The following CDK14 variants were observed in gnomAD, a reference collection of about 807,000 sequenced individuals.
The protein encoded by CDK14 is cyclin dependent kinase 14, also known as cyclin-dependent kinase 14.
Under a neutral mutation model 60.7 loss-of-function variants are expected in CDK14, and 34 were observed. The observed-to-expected ratio is 0.56, with a 90% CI of 0.43 to 0.75. The LOEUF (loss-of-function observed/expected upper bound fraction) is 0.75. Ranked by LOEUF, CDK14 falls within the 30% of genes least tolerant of loss-of-function variation. The pLI is 0.00. For missense variants in CDK14, 482 were observed against 564.1 expected, an observed-to-expected ratio of 0.85 and a Z score of 1.47; for synonymous variants, 197 against 203.7, an observed-to-expected ratio of 0.97 and a Z score of 0.28.
chr7:90,866,320 A>T (rs1175801696), intron 6 of CDK14, among the ~76,000 whole-genome samples: 1 of 151,894 alleles, frequency 6.6e-6, no homozygotes, highest in African/African-American at 2.4e-5. Flanking sequence ...TTAATTTAAA[A>T]TTTCTAAAAC....
At chr7:90,893,932 G>A (rs1344382119) in intron 6 of CDK14, among the ~76,000 whole-genome samples, 1 of 152,156 alleles carries the variant, frequency 6.6e-6, no homozygotes, top group African/African-American at 2.4e-5. Flanking sequence ...GGTGGCATGG[G>A]AATGGGAATG....
Position 90,758,111 on chromosome 7 carries a change from C to A in CDK14, c.464+10336C>A, listed in dbSNP as rs191575369. Among the ~76,000 whole-genome samples, 425 of 152,242 alleles carry A rather than the reference C, an allele frequency of 2.8e-3. 6 individuals carry two copies. The highest frequency in any genetic ancestry group is 2.3e-3 in the Non-Finnish European group (159 of 68,018). ...GGCTTCTAACAAATGGCTGGTTAAC[C>A]CTGTTCACATCAACATACAAAACTC... On this transcript the variant is annotated intron_variant, in intron 4 of 14. Coordinates refer to ENST00000380050, the MANE Select transcript of CDK14 (RefSeq NM_001287135.2).
intron 13 of CDK14, among the ~76,000 whole-genome samples, chr7:91,115,484 T>G (rs903670764): frequency 6.6e-6 from 1 of 152,070 alleles, no homozygotes; most frequent in Non-Finnish European, 1.5e-5. Flanking sequence ...CCAAATGCCA[T>G]CACATTAGGG....
At chr7:91,075,035 G>A (rs1334526944) in intron 11 of CDK14, among the ~76,000 whole-genome samples, 2 of 152,174 alleles carry the variant, frequency 1.3e-5, no homozygotes, top group Non-Finnish European at 2.9e-5. Flanking sequence ...GGACCAGATG[G>A]ATTCACAGCC....
At chr7:91,032,235 T>C (rs1191654975) in intron 10 of CDK14, among the ~76,000 whole-genome samples, 1 of 152,236 alleles carries the variant, frequency 6.6e-6, no homozygotes, top group Non-Finnish European at 1.5e-5. Context: ...GAGAAGTTGT[T>C]ATTCCTGTAA....
At chr7:90,958,550 T>A (rs113772348) in intron 9 of CDK14, among the ~76,000 whole-genome samples, 1 of 152,136 alleles carries the variant, frequency 6.6e-6, no homozygotes, top group Non-Finnish European at 1.5e-5. Context: ...CACAGTTAGA[T>A]CTTTTTTTCC....
At chr7:91,116,077 A>C (rs1373454814) in intron 13 of CDK14, among the ~76,000 whole-genome samples, 2 of 152,178 alleles carry the variant, frequency 1.3e-5, no homozygotes, top group Non-Finnish European at 2.9e-5. Flanking sequence ...TCAAAGATTT[A>C]ATTGCAGGGA....
At position 91,208,893 on chromosome 7, in the gene CDK14, C is replaced by G. The variant is rs1802981155; in HGVS notation, c.*1757C>G. On this transcript the variant is annotated 3_prime_UTR_variant, in exon 15 of 15. Transcript: ENST00000380050. ...TTGGTTTTAAAGAGAGCAGAAAACA[C>G]CCAAGTGTAGAATGTCTACTGTTTG... The G allele has an allele frequency of 6.6e-6, 1 of 152,620 alleles. No homozygotes were observed. The highest frequency in any genetic ancestry group is 2.1e-4 in the South Asian group (1 of 4,830). The allele number at this position is 152,620 out of a possible 1,614,324, so 9.5% of individuals were successfully genotyped here.
At chr7:90,648,813 A>G (rs1321070213) in intron 2 of CDK14, among the ~76,000 whole-genome samples, 2 of 152,188 alleles carry the variant, frequency 1.3e-5, no homozygotes, top group Non-Finnish European at 2.9e-5. Flanking sequence ...AATAAATAGG[A>G]AATAGATTTA....
At chr7:90,899,120 T>G (rs1161601281) in intron 6 of CDK14, among the ~76,000 whole-genome samples, 171 bp from the exon 7 acceptor site, 1 of 151,838 alleles carries the variant, frequency 6.6e-6, no homozygotes, top group Admixed American at 6.6e-5. Flanking sequence ...GATTCAATTG[T>G]GTTTAAAATT....
intron 2 of CDK14, among the ~76,000 whole-genome samples, chr7:90,609,679 GC>G (rs1439042214): frequency 6.6e-6 from 1 of 152,158 alleles, no homozygotes; most frequent in Non-Finnish European, 1.5e-5. Flanking sequence ...ATATCCGTGA[GC>G]CAATTCAGCC....
intron 2 of CDK14, among the ~76,000 whole-genome samples, chr7:90,605,670 A>G (rs1799402573): frequency 6.6e-6 from 1 of 152,216 alleles, no homozygotes; most frequent in South Asian, 2.1e-4. Flanking sequence ...AAATAAGGAA[A>G]AGGAGAAAGA....
intron 9 of CDK14, among the ~76,000 whole-genome samples, chr7:90,965,521 G>C (rs916057857): frequency 3.3e-5 from 5 of 152,154 alleles, no homozygotes; most frequent in African/African-American, 9.7e-5. Context: ...GCTTCCTGCT[G>C]TTGCTAGAAT....
Position 90,915,906 on chromosome 7 carries a change from A to G in CDK14, c.703-1695A>G, listed in dbSNP as rs532015851. 2.6e-5 allele frequency among the ~76,000 whole-genome samples: 4 copies of G among 152,352 alleles called. No individual in the cohort carries two copies. The East Asian group carries it at 5.8e-4, about 22-fold the overall frequency. On this transcript the variant is annotated intron_variant, in intron 7 of 14. Coordinates refer to ENST00000380050, the MANE Select transcript of CDK14 (RefSeq NM_001287135.2). ...GCACATAGTGTTATGTATTCATTAA[A>G]TTAAAATGCATTGCCATGGTTAAAC...
At chr7:90,856,648 AT>A (rs1790829054) in intron 5 of CDK14, among the ~76,000 whole-genome samples, 1 of 152,192 alleles carries the variant, frequency 6.6e-6, no homozygotes, top group Non-Finnish European at 1.5e-5. Flanking sequence ...TGTGCATGCA[AT>A]TTTTAAGTCC....
intron 5 of CDK14, among the ~76,000 whole-genome samples, chr7:90,854,723 A>G (rs1790765703): frequency 6.6e-6 from 1 of 152,062 alleles, no homozygotes; most frequent in Non-Finnish European, 1.5e-5. Context: ...TGTGTAATAA[A>G]GTATAAAATA....
intron 14 of CDK14, among the ~76,000 whole-genome samples, chr7:91,144,862 C>T (rs1375065793): frequency 6.6e-6 from 1 of 152,096 alleles, no homozygotes; most frequent in African/African-American, 2.4e-5. Flanking sequence ...CAACTTCTAG[C>T]ATTTTGTTGC....
chr7:90,670,755 A>G (rs1191672608), intron 2 of CDK14, among the ~76,000 whole-genome samples: 1 of 152,046 alleles, frequency 6.6e-6, no homozygotes, highest in African/African-American at 2.4e-5. Context: ...CCGCGACCCA[A>G]AGACCTCCTC....
intron 2 of CDK14, among the ~76,000 whole-genome samples, chr7:90,677,038 A>G (rs1801215358): frequency 6.6e-6 from 1 of 151,956 alleles, no homozygotes; most frequent in South Asian, 2.1e-4. Context: ...GTTATATTTA[A>G]CTTTGACATA....
Sources: allele counts gnomAD v4.1 joint callset (sites outside exome capture counted in the v4.1 genomes callset), GRCh38; gene constraint gnomAD v4.1.1; transcripts MANE v1.5; gene names NCBI Gene and HGNC (gene_info 2026-07-23, HGNC 2026-07-21).